LDAH: variants seen among roughly 807,000 people sequenced by gnomAD.
LDAH encodes the protein lipid droplet-associated hydrolase.
In LDAH, 26 loss-of-function variants were observed where a neutral mutation model predicts 29.6. The observed-to-expected ratio is 0.88, with a 90% CI of 0.64 to 1.22. The LOEUF (loss-of-function observed/expected upper bound fraction) is 1.22, where lower values mean the gene tolerates loss of function less well. Among genes scored for constraint, LDAH ranks in the 50% most tolerant of loss-of-function variants. The pLI is 0.00. For synonymous variants in LDAH, 117 were observed against 133.0 expected (o/e 0.88, Z 0.83); for missense variants, 344 against 387.3 (o/e 0.89, Z 0.94).
rs536436959 is a variant in LDAH, at chr2:20,732,875, A to AT, written c.703+7095dup. Reference sequence around the variant, plus strand: ...ATTTTCTCTATTGTTTTTGTTTTCAATTTTTTTTGTAGAGACAGGGTCTCA... The same window carrying AT: ...ATTTTCTCTATTGTTTTTGTTTTCAATTTTTTTTTGTAGAGACAGGGTCTCA... On this transcript the variant is annotated intron_variant, in intron 5 of 6. Coordinates refer to ENST00000237822, the MANE Select transcript of LDAH (RefSeq NM_021925.4). 1.4e-3 allele frequency among the ~76,000 whole-genome samples: 205 copies of AT among 149,194 alleles called. 3 individuals carry two copies. In the South Asian group the frequency reaches 0.017, roughly 12 times the overall value.
intron 6 of LDAH, among the ~76,000 whole-genome samples, chr2:20,693,952 C>T (rs1247636444): frequency 6.6e-6 from 1 of 152,264 alleles, no homozygotes; most frequent in Non-Finnish European, 1.5e-5. Context: ...ATCTTCTTGG[C>T]CTTTCTTCCA....
intron 4 of LDAH, among the ~76,000 whole-genome samples, chr2:20,768,693 C>T (rs1288819318): frequency 6.6e-6 from 1 of 152,196 alleles, no homozygotes; most frequent in Non-Finnish European, 1.5e-5. Flanking sequence ...CTGGCCAGAA[C>T]AGCAACACCC....
intron 4 of LDAH, among the ~76,000 whole-genome samples, chr2:20,745,431 C>T (rs933012007): frequency 2.0e-5 from 3 of 152,046 alleles, no homozygotes; most frequent in Non-Finnish European, 2.9e-5. Context: ...TTTTCATATA[C>T]CTGTTGGTCA....
intron 1 of LDAH, among the ~76,000 whole-genome samples, chr2:20,803,122 A>G (rs1243369994): frequency 1.3e-5 from 2 of 152,226 alleles, no homozygotes; most frequent in Admixed American, 1.3e-4. Context: ...CAGTGAATAG[A>G]GGCCAAGGAT....
intron 2 of LDAH, among the ~76,000 whole-genome samples, chr2:20,798,225 ATAAAC>A (rs1468162598): frequency 6.6e-6 from 1 of 152,188 alleles, no homozygotes; most frequent in Non-Finnish European, 1.5e-5. Context: ...AAACAAGAGA[ATAAAC>A]TAAGATAAAA....
chr2:20,780,233 T>C (rs954114094), intron 3 of LDAH, among the ~76,000 whole-genome samples: 1 of 152,218 alleles, frequency 6.6e-6, no homozygotes, highest in African/African-American at 2.4e-5. Context: ...ACCCCAAGCA[T>C]ATGTTTTATA....
chr2:20,693,238 G>T (rs1446604277), intron 6 of LDAH, among the ~76,000 whole-genome samples: 2 of 147,944 alleles, frequency 1.4e-5, no homozygotes, highest in Non-Finnish European at 3.0e-5. Flanking sequence ...GAGGACAAAG[G>T]GAGCTCCTCG....
chr2:20,746,711 A>T (rs964864437), intron 4 of LDAH, among the ~76,000 whole-genome samples: 1 of 152,108 alleles, frequency 6.6e-6, no homozygotes, highest in African/African-American at 2.4e-5. Context: ...TCAAGGAAGT[A>T]TGCCTAATTT....
chr2:20,780,420 A>T lies in LDAH; in HGVS notation c.299-5441T>A, dbSNP rs143174232. Among the ~76,000 whole-genome samples the T allele has an allele frequency of 1.8e-4, 27 of 152,244 alleles. No individual in the cohort carries two copies. In the East Asian group the frequency reaches 5.2e-3, roughly 29 times the overall value. ...AGACTTAGCAAACAATAAAAGAAAA[A>T]GGCATAAAAAGTGTGTTACTTTTTA... On this transcript the variant is annotated intron_variant, in intron 3 of 6. Transcript: ENST00000237822.
chr2:20,718,428 A>G (rs1558408101), intron 5 of LDAH, among the ~76,000 whole-genome samples: 1 of 152,204 alleles, frequency 6.6e-6, no homozygotes, highest in East Asian at 1.9e-4. Context: ...AAAGGCCATT[A>G]TATAATTATA....
chr2:20,771,670 T>A (rs1669433259), intron 4 of LDAH, among the ~76,000 whole-genome samples: 1 of 152,194 alleles, frequency 6.6e-6, no homozygotes, highest in Non-Finnish European at 1.5e-5. Context: ...AACAATGTAG[T>A]TAATTGAAAC....
chr2:20,817,680 G>GA (rs1672945834), intron 1 of LDAH, among the ~76,000 whole-genome samples: 1 of 152,104 alleles, frequency 6.6e-6, no homozygotes, highest in Non-Finnish European at 1.5e-5. Context: ...CCCAGAGGGG[G>GA]AAAAATGTAT....
At chr2:20,746,759 G>A (rs1318156992) in intron 4 of LDAH, among the ~76,000 whole-genome samples, 1 of 151,548 alleles carries the variant, frequency 6.6e-6, no homozygotes, top group Non-Finnish European at 1.5e-5. Flanking sequence ...CCAAATCTGT[G>A]TACACGACCA....
intron 3 of LDAH, among the ~76,000 whole-genome samples, chr2:20,779,741 A>T (rs648568): frequency 0.095 from 14,388 of 152,132 alleles, 2,178 homozygotes; most frequent in African/African-American, 0.32. Flanking sequence ...AGTAATAGAA[A>T]CTTTGATTGT....
At chr2:20,817,770 A>C (rs1672953244) in intron 1 of LDAH, among the ~76,000 whole-genome samples, 1 of 152,190 alleles carries the variant, frequency 6.6e-6, no homozygotes, top group East Asian at 1.9e-4. Flanking sequence ...TCAATGAATG[A>C]ATGGTTAAAC....
At chr2:20,699,765 C>T (rs562930263) in intron 6 of LDAH, among the ~76,000 whole-genome samples, 40 of 152,312 alleles carry the variant, frequency 2.6e-4, no homozygotes, top group Admixed American at 9.8e-4. Flanking sequence ...ATTACACCCC[C>T]GTATTTCCCC....
intron 2 of LDAH, among the ~76,000 whole-genome samples, chr2:20,791,146 C>T (rs550466954): frequency 3.9e-5 from 6 of 152,272 alleles, no homozygotes; most frequent in South Asian, 2.1e-4. Flanking sequence ...TCATCCTTGT[C>T]GAATTTCACT....
intron 4 of LDAH, among the ~76,000 whole-genome samples, chr2:20,762,013 T>C (rs939194934): frequency 1.5e-4 from 23 of 152,014 alleles, no homozygotes; most frequent in African/African-American, 5.1e-4. Context: ...TTTATAATTA[T>C]CAAGCTTTTC....
At chr2:20,796,301 C>A (rs956937319) in intron 2 of LDAH, among the ~76,000 whole-genome samples, 1 of 152,278 alleles carries the variant, frequency 6.6e-6, no homozygotes, top group African/African-American at 2.4e-5. Flanking sequence ...GTATTCCTAG[C>A]ACCTGGGATA....
Sources: allele counts gnomAD v4.1 joint callset (sites outside exome capture counted in the v4.1 genomes callset), GRCh38; gene constraint gnomAD v4.1.1; transcripts MANE v1.5; gene names NCBI Gene and HGNC (gene_info 2026-07-23, HGNC 2026-07-21).